HGD: variants seen among roughly 807,000 people sequenced by gnomAD.
HGD encodes homogentisate oxidase.
In HGD, 61 loss-of-function variants were observed where a neutral mutation model predicts 60.8. The ratio of observed to expected loss-of-function variants is 1.00; its 90% confidence interval spans 0.82 to 1.24. The LOEUF (loss-of-function observed/expected upper bound fraction) is 1.24. Ranked by LOEUF, HGD falls within the 50% of genes most tolerant of loss-of-function variation. The probability of loss-of-function intolerance (pLI) is 0.00; values close to 1 mark genes in which losing one functional copy is unlikely to be tolerated. For synonymous variants in HGD, 212 were observed against 187.7 expected (o/e 1.13, Z -1.06); for missense variants, 542 against 547.1 (o/e 0.99, Z 0.09).
At chr3:120,652,483 T>C in intron 5 of HGD, 109 bp downstream of exon 5, 1 of 806,620 alleles carries the variant, frequency 1.2e-6, no homozygotes, top group African/African-American at 1.7e-5. Context: ...TTGTCTCTGC[T>C]GCCTCCTGAT....
At chr3:120,664,727 G>C (rs987201208) in intron 4 of HGD, among the ~76,000 whole-genome samples, 20 of 151,884 alleles carry the variant, frequency 1.3e-4, no homozygotes, top group African/African-American at 4.4e-4. Flanking sequence ...CACTGTGCCT[G>C]GCCAGATATT....
At chr3:120,646,839 T>C in intron 8 of HGD, 134 bp downstream of exon 8, 2 of 781,740 alleles carry the variant, frequency 2.6e-6, no homozygotes. Flanking sequence ...TGGAACCTTC[T>C]GCATAACTCA....
chr3:120,644,759 G>A (rs759638629), intron 9 of HGD: 3 of 583,022 alleles, frequency 5.1e-6, no homozygotes, highest in Non-Finnish European at 8.2e-6. Context: ...CTGAAAAGAG[G>A]AAAAGGGAAG....
At chr3:120,648,784 T>C (rs1941242498) in intron 6 of HGD, among the ~76,000 whole-genome samples, 1 of 152,198 alleles carries the variant, frequency 6.6e-6, no homozygotes, top group African/African-American at 2.4e-5. Context: ...GAGGGCTGGG[T>C]CATGGGTCAC....
chr3:120,644,314 T>G lies in HGD; in HGVS notation c.774+5A>C, dbSNP rs1941087866. Reference sequence around the variant, plus strand: ...CTCCCTTGCCTGCCAACCCTTTTACTTTACCTGTTTGGCAGCAAACAGCTT... The same window carrying G: ...CTCCCTTGCCTGCCAACCCTTTTACGTTACCTGTTTGGCAGCAAACAGCTT... On this transcript the variant is annotated splice_donor_5th_base_variant and intron_variant, in intron 10 of 13. Coordinates refer to ENST00000283871, the MANE Select transcript of HGD (RefSeq NM_000187.4). 2.5e-6 allele frequency: 4 copies of G among 1,613,816 alleles called. No homozygotes were observed. The highest frequency in any genetic ancestry group is 3.4e-6 in the Non-Finnish European group (4 of 1,179,934).
At chr3:120,665,518 A>C (rs1707878691) in intron 4 of HGD, among the ~76,000 whole-genome samples, 1 of 152,270 alleles carries the variant, frequency 6.6e-6, no homozygotes, top group Non-Finnish European at 1.5e-5. Context: ...AGGCAGACAC[A>C]TAAAATTAGG....
At chr3:120,650,739 A>G (rs1941311681) in intron 6 of HGD, 35 bp downstream of exon 6, 2 of 1,504,786 alleles carry the variant, frequency 1.3e-6, no homozygotes, top group African/African-American at 1.4e-5. Context: ...CCCTTAGAAG[A>G]TGGGCATGTC....
intron 4 of HGD, among the ~76,000 whole-genome samples, chr3:120,661,325 C>T (rs1707762115): frequency 6.6e-6 from 1 of 152,208 alleles, no homozygotes. Context: ...ATTCCTGGGA[C>T]ACTAACCCTG....
In HGD at chr3:120,670,551, A is replaced by G. The variant is rs750422652; in HGVS notation, c.177-19T>C. 1.4e-5 allele frequency: 18 copies of G among 1,296,274 alleles called. No individual in the cohort carries two copies. Among genetic ancestry groups the G allele is most frequent in the South Asian group, 8.3e-5 (7 of 84,800 alleles). 80.3% of individuals were successfully genotyped at this position (1,296,274 alleles called of 1,614,324 possible). A position where few individuals can be genotyped will look rare whatever the true frequency, so the allele number is the denominator to read the frequency against. ...CAGCCAGCTAGAGGGAAAAACATAC[A>G]AGATATACAAGCCTTAGAGTAATGT... is the stretch of plus-strand genomic sequence containing the variant. On this transcript the variant is annotated intron_variant, in intron 3 of 13. Transcript: ENST00000283871.
rs751495906 is a variant in HGD at position 120,644,334 on chromosome 3, C to A, written c.759G>T (p.Leu253=). Residue 253 remains leucine (L), a synonymous_variant, in exon 10 of 14, where the codon CTG becomes CTT. Transcript: ENST00000283871. ...TTTACTTTACCTGTTTGGCAGCAAA[C>A]AGCTTGCCCTGGTATTTATTAATGA... ...YTVINKYQGK[L]FAAKQDVSPF... 1 of 1,614,122 alleles carries A rather than the reference C, an allele frequency of 6.2e-7. No homozygotes were observed. The highest frequency in any genetic ancestry group is 1.1e-5 in the South Asian group (1 of 91,078).
intron 6 of HGD, among the ~76,000 whole-genome samples, chr3:120,650,281 C>CACCTTATATGTACA (rs1188177683): frequency 2.6e-5 from 4 of 152,208 alleles, no homozygotes; most frequent in Admixed American, 2.6e-4. Flanking sequence ...ATCTAATGTA[C>CACCTTATATGTACA]ACCTTATATG....
intron 4 of HGD, among the ~76,000 whole-genome samples, chr3:120,670,027 A>C (rs1440428027): frequency 2.0e-5 from 3 of 152,140 alleles, no homozygotes; most frequent in Non-Finnish European, 4.4e-5. Context: ...GGTTACCCTC[A>C]TGATAGTGAG....
In HGD at chr3:120,647,048, C is replaced by T. The variant is rs2293734; in HGVS notation, c.474G>A (p.Pro158=). 9.3e-6 allele frequency: 15 copies of T among 1,613,342 alleles called. No homozygotes were observed. The highest frequency in any genetic ancestry group is 5.5e-5 in the South Asian group (5 of 91,070). ...YNSDGDFLIV[P]QKGNLLIYTE... is the part of the protein sequence containing the mutation. ...TGTAAATGAGAAGGTTCCCTTTCTG[C>T]GGAACTGACAAAAAAAGACAGGGCA... The change falls in exon 8 of 14, where the codon CCG becomes CCA. Residue 158 remains proline, a synonymous_variant. Coordinates refer to ENST00000283871, the MANE Select transcript of HGD (RefSeq NM_000187.4).
At chr3:120,647,712 A>G (rs1159915456) in intron 7 of HGD, among the ~76,000 whole-genome samples, 165 bp downstream of exon 7, 4 of 152,200 alleles carry the variant, frequency 2.6e-5, no homozygotes, top group Non-Finnish European at 5.9e-5. Flanking sequence ...TACACTAGAA[A>G]TCTTTTCCAG....
intron 8 of HGD, among the ~76,000 whole-genome samples, chr3:120,646,663 A>G (rs542464056): frequency 7.2e-5 from 11 of 152,096 alleles, no homozygotes; most frequent in Non-Finnish European, 1.6e-4. Flanking sequence ...CACTAAAAAA[A>G]AAAAAAGTCC....
chr3:120,678,419 G>A (rs1233497846), intron 1 of HGD, among the ~76,000 whole-genome samples: 1 of 152,214 alleles, frequency 6.6e-6, no homozygotes, highest in Non-Finnish European at 1.5e-5. Context: ...AGAGAGGAAG[G>A]AAGGCTGGAG....
At chr3:120,632,132 T>C (rs1025350702) in intron 13 of HGD, among the ~76,000 whole-genome samples, 7 of 151,998 alleles carry the variant, frequency 4.6e-5, no homozygotes, top group Non-Finnish European at 7.4e-5. Context: ...AGCAAGCAAA[T>C]GGGACTCTGA....
intron 4 of HGD, among the ~76,000 whole-genome samples, chr3:120,657,330 C>A (rs1941527546): frequency 6.6e-6 from 1 of 152,190 alleles, no homozygotes; most frequent in Admixed American, 6.5e-5. Context: ...ATTCAAAATT[C>A]ATGCTCAGAG....
chr3:120,633,682 C>A, intron 12 of HGD: 1 of 1,061,652 alleles, frequency 9.4e-7, no homozygotes, highest in Non-Finnish European at 1.3e-6. Flanking sequence ...AGCTTACGAG[C>A]CCTGTATCAA....
Sources: gnomAD v4.1 joint callset for allele counts (sites outside exome capture counted in the v4.1 genomes callset) on GRCh38, gnomAD v4.1.1 for gene constraint, MANE v1.5 for transcripts, NCBI Gene and HGNC (gene_info 2026-07-23, HGNC 2026-07-21) for gene names.